The following KDM4A variants were observed in gnomAD, a reference collection of about 807,000 sequenced individuals.
KDM4A encodes the protein lysine-specific demethylase 4A.
In KDM4A, 23 loss-of-function variants were observed where a neutral mutation model predicts 127.1. The observed-to-expected ratio is 0.18, with a 90% CI of 0.13 to 0.26. KDM4A has a LOEUF of 0.26. KDM4A is among the 10% of genes least tolerant of loss of function. The pLI is 1.00. For missense variants in KDM4A, 890 were observed against 1,329.1 expected (o/e 0.67, Z 5.14); for synonymous variants, 443 against 466.5 (o/e 0.95, Z 0.65).
chr1:43,667,545 C>A (rs921711768), intron 8 of KDM4A, among the ~76,000 whole-genome samples: 25 of 152,144 alleles, frequency 1.6e-4, no homozygotes, highest in African/African-American at 6.0e-4. Flanking sequence ...GAGTTAGTGC[C>A]CAGGTAGATT....
At chr1:43,668,230 ATTC>A (rs1404271072) in intron 9 of KDM4A, among the ~76,000 whole-genome samples, 1 of 152,036 alleles carries the variant, frequency 6.6e-6, no homozygotes, top group African/African-American at 2.4e-5. Flanking sequence ...GGTTCAGGCC[ATTC>A]TTCTGCCTCA....
chr1:43,696,788 A>G (rs1486474430), intron 18 of KDM4A, among the ~76,000 whole-genome samples: 3 of 152,240 alleles, frequency 2.0e-5, no homozygotes, highest in Non-Finnish European at 4.4e-5. Flanking sequence ...TGCTGGTGCT[A>G]TGAGGAAATT....
chr1:43,694,608 G>C lies in KDM4A; in HGVS notation c.2485-101G>C, dbSNP rs113450168. The C allele has an allele frequency of 5.5e-4, 545 of 985,590 alleles. 3 individuals are homozygous for C. In the Middle Eastern group the frequency reaches 6.4e-3, roughly 12 times the overall value. The allele number at this position is 985,590 out of a possible 1,614,324, so 61.1% of individuals were successfully genotyped here. Reference sequence around the variant, plus strand: ...GTGTGTCCTTGTATTTTGGGAAGGGGCTGGCTCTTGCTTGCTTGGCTTTGC... The same window carrying C: ...GTGTGTCCTTGTATTTTGGGAAGGGCCTGGCTCTTGCTTGCTTGGCTTTGC... On this transcript the variant is annotated intron_variant, in intron 17 of 21. Transcript: ENST00000372396. The surrounding 1 kb of genome is among the most constrained non-coding windows in gnomAD (Gnocchi z 5.2).
At position 43,665,739 on chromosome 1, in the gene KDM4A, G is replaced by A. The variant is rs1166618160; in HGVS notation, c.667G>A (p.Ala223Thr). Residue 223 changes from alanine to threonine, a missense_variant, in exon 6 of 22, where the codon GCC (alanine) becomes ACC (threonine). By Grantham distance (58) the Ala-to-Thr change is moderately conservative. Coordinates refer to ENST00000372396, the MANE Select transcript of KDM4A (RefSeq NM_014663.3). ...PEHGKRLERL[A>T]KGFFPGSAQS... The stretch of plus-strand genomic sequence containing the variant: ...GCATGGAAAGCGGTTGGAACGCCTC[G>A]CCAAAGGTACTGTGTCTCTTCTGTT... 8 of 1,613,840 alleles carry A rather than the reference G, an allele frequency of 5.0e-6. No individual in the cohort carries two copies. Among genetic ancestry groups the A allele is most frequent in the South Asian group, 4.4e-5 (4 of 91,074 alleles).
In KDM4A at chr1:43,704,790, C is replaced by T. The variant is rs1411577277; in HGVS notation, c.*420C>T. 2 of 175,992 alleles carry T rather than the reference C, an allele frequency of 1.1e-5. No individual in the cohort carries two copies. The highest frequency in any genetic ancestry group is 2.4e-5 in the Non-Finnish European group (2 of 83,138). 10.9% of individuals were successfully genotyped at this position (175,992 alleles called of 1,614,324 possible). A position where few individuals can be genotyped will look rare whatever the true frequency, so the allele number is the denominator to read the frequency against. On this transcript the variant is annotated 3_prime_UTR_variant, in exon 22 of 22. Coordinates refer to ENST00000372396, the MANE Select transcript of KDM4A (RefSeq NM_014663.3). ...TTATATGTGTGTGTGTGTGTGCGTG[C>T]GTGCGTGCGTGCGTGTATGTTTGGT...
intron 5 of KDM4A, among the ~76,000 whole-genome samples, chr1:43,664,831 T>C (rs553489166): frequency 6.6e-6 from 1 of 152,340 alleles, no homozygotes; most frequent in South Asian, 2.1e-4. Flanking sequence ...ATTATATACA[T>C]TCTTAGGTCC....
At chr1:43,695,263 A>G (rs1369703713) in intron 18 of KDM4A, among the ~76,000 whole-genome samples, 1 of 152,242 alleles carries the variant, frequency 6.6e-6, no homozygotes, top group Admixed American at 6.5e-5. Flanking sequence ...AGAGCTCCCA[A>G]GAGTTAACCA....
At chr1:43,661,876 C>G (rs1336722775) in intron 4 of KDM4A, among the ~76,000 whole-genome samples, 1 of 152,080 alleles carries the variant, frequency 6.6e-6, no homozygotes, top group Non-Finnish European at 1.5e-5. Context: ...GGCTAAAAAG[C>G]CACAACATTG....
rs1661187726 is a variant in KDM4A at position 43,694,244 on chromosome 1, T to G, written c.2484+142T>G. 2.9e-6 allele frequency: 2 copies of G among 689,626 alleles called. No homozygotes were observed. Among genetic ancestry groups the G allele is most frequent in the East Asian group, 2.7e-5 (1 of 36,660 alleles). 42.7% of individuals were successfully genotyped at this position (689,626 alleles called of 1,614,324 possible). A position where few individuals can be genotyped will look rare whatever the true frequency, so the allele number is the denominator to read the frequency against. ...TAGATTCCTTAGTGGAGGCCAGGTG[T>G]GGTGGCTCACACCTGTAATCCCAGC... On this transcript the variant is annotated intron_variant, in intron 17 of 21. Coordinates refer to ENST00000372396, the MANE Select transcript of KDM4A (RefSeq NM_014663.3). This position sits in a 1 kb window ranked among gnomAD's most constrained non-coding sequence, Gnocchi z 5.2.
At position 43,650,249 on chromosome 1, in the gene KDM4A, G is replaced by A. The variant is rs1660079185; in HGVS notation, c.-43G>A. Reference sequence around the variant, plus strand: ...CTAAGCCCTGGCGGGGCTTTGGGCTGTAGGTGAGAACTATAGGGTTTTGGA... The same window carrying A: ...CTAAGCCCTGGCGGGGCTTTGGGCTATAGGTGAGAACTATAGGGTTTTGGA... On this transcript the variant is annotated 5_prime_UTR_variant, in exon 1 of 22. Coordinates refer to ENST00000372396, the MANE Select transcript of KDM4A (RefSeq NM_014663.3). 6.7e-6 allele frequency: 1 copy of A among 149,300 alleles called. No individual in the cohort carries two copies. The highest frequency in any genetic ancestry group is 6.7e-5 in the Admixed American group (1 of 14,962). 9.2% of individuals were successfully genotyped at this position (149,300 alleles called of 1,614,324 possible).
At chr1:43,658,489 G>A in intron 3 of KDM4A, among the ~76,000 whole-genome samples, 1 of 149,548 alleles carries the variant, frequency 6.7e-6, no homozygotes, top group East Asian at 2.0e-4. Flanking sequence ...GTGTAAGGCA[G>A]TTACTTAGTC....
intron 2 of KDM4A, 149 bp downstream of exon 2, chr1:43,653,462 C>T (rs974070274): frequency 2.4e-5 from 16 of 667,958 alleles, no homozygotes; most frequent in Non-Finnish European, 3.4e-5. Flanking sequence ...AGTTAATTCC[C>T]GTTGTTAACA....
intron 15 of KDM4A, 103 bp downstream of exon 15, chr1:43,691,675 G>GGTCT: frequency 1.0e-6 from 1 of 967,992 alleles, no homozygotes; most frequent in Non-Finnish European, 1.7e-6. Context: ...GTCTGCATAG[G>GGTCT]GTCTGGTACG....
chr1:43,651,864 G>A (rs1313598535), intron 1 of KDM4A, among the ~76,000 whole-genome samples: 1 of 152,200 alleles, frequency 6.6e-6, no homozygotes, highest in East Asian at 1.9e-4. Context: ...GAAGTTTTCC[G>A]TGTATTGCCA....
At chr1:43,657,683 A>G (rs1389754769) in intron 3 of KDM4A, among the ~76,000 whole-genome samples, 1 of 151,734 alleles carries the variant, frequency 6.6e-6, no homozygotes, top group Non-Finnish European at 1.5e-5. Context: ...TGTTTCTCAC[A>G]TGGAATTCAG....
At chr1:43,699,831 G>A (rs1204070886) in intron 19 of KDM4A, 3 of 151,440 alleles carry the variant, frequency 2.0e-5, no homozygotes, top group East Asian at 3.9e-4. Flanking sequence ...CCAGGTTCAC[G>A]CCATTCTCCT....
intron 4 of KDM4A, among the ~76,000 whole-genome samples, chr1:43,660,635 T>G (rs1332353312): frequency 6.6e-6 from 1 of 152,202 alleles, no homozygotes; most frequent in African/African-American, 2.4e-5. Flanking sequence ...TGATGTGGTG[T>G]TCTTTTCAAG....
intron 18 of KDM4A, among the ~76,000 whole-genome samples, chr1:43,696,800 G>T (rs1353820570): frequency 6.6e-6 from 1 of 152,170 alleles, no homozygotes; most frequent in South Asian, 2.1e-4. Flanking sequence ...GAGGAAATTG[G>T]GGGGACTGAT....
At chr1:43,692,675 G>C (rs1033297878) in intron 16 of KDM4A, among the ~76,000 whole-genome samples, 3 of 152,180 alleles carry the variant, frequency 2.0e-5, no homozygotes, top group African/African-American at 7.2e-5. Context: ...GGCGGCCACA[G>C]GCTAGCAAGC....
Sources: allele counts gnomAD v4.1 joint callset (sites outside exome capture counted in the v4.1 genomes callset), GRCh38; gene constraint gnomAD v4.1.1; non-coding constraint Gnocchi (gnomAD v3.1); transcripts MANE v1.5; gene names NCBI Gene and HGNC (gene_info 2026-07-23, HGNC 2026-07-21).